Variants in CACNB2 observed in about 807,000 individuals in gnomAD.
CACNB2 encodes voltage-dependent L-type calcium channel subunit beta-2.
Under a neutral mutation model 73.3 loss-of-function variants are expected in CACNB2, and 42 were observed. That is an observed-to-expected ratio of 0.57 (90% CI 0.45 to 0.74). The LOEUF (loss-of-function observed/expected upper bound fraction) is 0.74. Ranked by LOEUF, CACNB2 falls within the 30% of genes least tolerant of loss-of-function variation. CACNB2 has a pLI of 0.00. For synonymous variants in CACNB2, 348 were observed against 310.3 expected (o/e 1.12, Z -1.28); for missense variants, 940 against 853.0 (o/e 1.10, Z -1.27).
chr10:18,515,420 A>G (rs2051179647), intron 7 of CACNB2, among the ~76,000 whole-genome samples: 1 of 152,204 alleles, frequency 6.6e-6, no homozygotes. Flanking sequence ...AACCATGGAT[A>G]TATTCTCACA....
chr10:18,236,277 T>C (rs1159312905), intron 2 of CACNB2, among the ~76,000 whole-genome samples: 1 of 152,168 alleles, frequency 6.6e-6, no homozygotes, highest in African/African-American at 2.4e-5. Context: ...ACATTCGCCA[T>C]TGGTTAAAAC....
At chr10:18,308,401 C>T (rs61842676) in intron 2 of CACNB2, among the ~76,000 whole-genome samples, 16,217 of 152,122 alleles carry the variant, frequency 0.11, 965 homozygotes, top group South Asian at 0.19. Flanking sequence ...AGATTATTTC[C>T]GTCATCCACG....
intron 2 of CACNB2, among the ~76,000 whole-genome samples, chr10:18,386,006 T>C (rs1411042613): frequency 1.3e-5 from 2 of 152,226 alleles, no homozygotes; most frequent in Non-Finnish European, 2.9e-5. Flanking sequence ...ATTAGAATTA[T>C]GGATCAAAGG....
chr10:18,183,524 G>C (rs956362165), intron 2 of CACNB2, among the ~76,000 whole-genome samples: 1 of 152,160 alleles, frequency 6.6e-6, no homozygotes. Context: ...GGAAGGGCAA[G>C]TCACGTCTTA....
At chr10:18,261,536 T>C (rs2037542899) in intron 2 of CACNB2, among the ~76,000 whole-genome samples, 1 of 152,182 alleles carries the variant, frequency 6.6e-6, no homozygotes, top group Non-Finnish European at 1.5e-5. Context: ...TTGTGCCTTG[T>C]GACTTTGATA....
chr10:18,212,885 G>T (rs1389047764), intron 2 of CACNB2, among the ~76,000 whole-genome samples: 1 of 152,186 alleles, frequency 6.6e-6, no homozygotes, highest in African/African-American at 2.4e-5. Flanking sequence ...AGCCAAACTG[G>T]AAGTGAGAGC....
intron 2 of CACNB2, among the ~76,000 whole-genome samples, chr10:18,293,103 G>C (rs947199289): frequency 3.9e-5 from 6 of 152,050 alleles, no homozygotes; most frequent in Non-Finnish European, 8.8e-5. Context: ...GCTTTTTTCT[G>C]TTATAGACAG....
At chr10:18,421,787 T>C (rs2045337357) in intron 3 of CACNB2, among the ~76,000 whole-genome samples, 1 of 152,202 alleles carries the variant, frequency 6.6e-6, no homozygotes, top group Non-Finnish European at 1.5e-5. Context: ...GTATACAAAG[T>C]ACAAGAATCT....
At chr10:18,476,528 G>A (rs2048450278) in intron 3 of CACNB2, among the ~76,000 whole-genome samples, 1 of 152,154 alleles carries the variant, frequency 6.6e-6, no homozygotes, top group Non-Finnish European at 1.5e-5. Flanking sequence ...CAGTCTGATT[G>A]GTTGTAGGAG....
chr10:18,314,894 C>T (rs972470129), intron 2 of CACNB2, among the ~76,000 whole-genome samples: 6 of 152,186 alleles, frequency 3.9e-5, no homozygotes, highest in African/African-American at 1.4e-4. Flanking sequence ...CTTACTAACT[C>T]AGAAAAACTC....
intron 10 of CACNB2, 72 bp from the exon 11 acceptor site, chr10:18,534,004 G>A: frequency 6.8e-7 from 1 of 1,470,942 alleles, no homozygotes; most frequent in South Asian, 1.1e-5. Context: ...CCTTTCTGTT[G>A]AAGAAACAGT....
rs71402158 is a variant in CACNB2, at chr10:18,356,942, C to CT, written c.214-44962dup. 2.2e-3 allele frequency among the ~76,000 whole-genome samples: 223 copies of CT among 101,096 alleles called. 7 individuals are homozygous for CT. Among genetic ancestry groups the CT allele is most frequent in the South Asian group, 8.8e-3 (26 of 2,958 alleles). The allele number at this position is 101,096 out of a possible 152,430, so 66.3% of individuals were successfully genotyped here. A position where few individuals can be genotyped will look rare whatever the true frequency, so the allele number is the denominator to read the frequency against. On this transcript the variant is annotated intron_variant, in intron 2 of 13. Coordinates refer to ENST00000324631, the MANE Select transcript of CACNB2 (RefSeq NM_201596.3). ...ACTGTGCCTGGCCCAGACTCAATTT[C>CT]TTTTTTTTTTTTTTTTTTTTGAGAC...
chr10:18,230,887 A>G (rs546571235), intron 2 of CACNB2, among the ~76,000 whole-genome samples: 5 of 151,870 alleles, frequency 3.3e-5, no homozygotes, highest in Admixed American at 6.6e-5. Context: ...CTATACAAGA[A>G]GGGATTAAAA....
intron 2 of CACNB2, among the ~76,000 whole-genome samples, chr10:18,394,575 G>C (rs1202594757): frequency 1.3e-5 from 2 of 152,138 alleles, no homozygotes; most frequent in African/African-American, 2.4e-5. Context: ...GAATTAGCCA[G>C]GGAGTTATTT....
At chr10:18,221,481 C>A (rs1373820940) in intron 2 of CACNB2, among the ~76,000 whole-genome samples, 1 of 152,138 alleles carries the variant, frequency 6.6e-6, no homozygotes, top group African/African-American at 2.4e-5. Context: ...GAGTTCGAGA[C>A]CAGCCTGGCC....
chr10:18,479,417 TA>T (rs199734377), intron 3 of CACNB2, among the ~76,000 whole-genome samples: 6 of 151,250 alleles, frequency 4.0e-5, no homozygotes, highest in South Asian at 2.1e-4. Context: ...TTGAGAACCA[TA>T]AAAAAAAACT....
intron 2 of CACNB2, among the ~76,000 whole-genome samples, chr10:18,307,395 G>C (rs948756123): frequency 6.6e-6 from 1 of 152,202 alleles, no homozygotes; most frequent in African/African-American, 2.4e-5. Flanking sequence ...CTGAAAGGTG[G>C]AGGTTGTGGC....
chr10:18,205,392 A>G (rs547279673), intron 2 of CACNB2, among the ~76,000 whole-genome samples: 45 of 152,306 alleles, frequency 3.0e-4, no homozygotes, highest in Middle Eastern at 3.4e-3. Context: ...CGTAAATGGT[A>G]GCTGTTATTG....
Position 18,388,939 on chromosome 10 carries a change from G to A in CACNB2, c.214-12985G>A, listed in dbSNP as rs376313149. Among the ~76,000 whole-genome samples the A allele has an allele frequency of 4.6e-5, 7 of 152,180 alleles. No individual in the cohort carries two copies. In the South Asian group the frequency reaches 1.0e-3, roughly 23 times the overall value. ...CCCTTCCCCATATGCAAACAACTAC[G>A]AAGGTGAATCAATTACAGAAAATAT... On this transcript the variant is annotated intron_variant, in intron 2 of 13. Coordinates refer to ENST00000324631, the MANE Select transcript of CACNB2 (RefSeq NM_201596.3).
Sources: allele counts gnomAD v4.1 joint callset (sites outside exome capture counted in the v4.1 genomes callset), GRCh38; gene constraint gnomAD v4.1.1; transcripts MANE v1.5; gene names NCBI Gene and HGNC (gene_info 2026-07-23, HGNC 2026-07-21).